The following CTNNA2 variants were observed in gnomAD, a reference collection of about 807,000 sequenced individuals.
CTNNA2 encodes the protein catenin alpha-2.
CTNNA2 carries 42 observed loss-of-function variants against 101.0 expected under a neutral mutation model. The observed-to-expected ratio is 0.42, with a 90% CI of 0.32 to 0.54. The LOEUF (loss-of-function observed/expected upper bound fraction) is 0.54. Ranked by LOEUF, CTNNA2 falls within the 20% of genes least tolerant of loss-of-function variation. The pLI is 0.14. For missense variants in CTNNA2, 871 were observed against 1,223.1 expected (o/e 0.71, Z 4.29); for synonymous variants, 450 against 456.4 (o/e 0.99, Z 0.18).
At chr2:79,707,760 A>C (rs1395718989) in intron 2 of CTNNA2, among the ~76,000 whole-genome samples, 3 of 152,174 alleles carry the variant, frequency 2.0e-5, no homozygotes, top group Middle Eastern at 3.2e-3. Flanking sequence ...ACCCATCCTG[A>C]TAACATCATC....
intron 3 of CTNNA2, among the ~76,000 whole-genome samples, chr2:79,777,892 G>T (rs57909569): frequency 0.029 from 4,113 of 139,744 alleles, 177 homozygotes; most frequent in African/African-American, 0.1. Flanking sequence ...TTTGCATGGG[G>T]TTTTTTTTTT....
At chr2:79,426,050 A>C (rs1678589541) in intron 4 of CTNNA2, among the ~76,000 whole-genome samples, 1 of 152,128 alleles carries the variant, frequency 6.6e-6, no homozygotes, top group South Asian at 2.1e-4. Context: ...CTACATAGTA[A>C]AACTAAAACT....
At chr2:80,345,239 A>G (rs1672629637) in intron 7 of CTNNA2, among the ~76,000 whole-genome samples, 2 of 151,930 alleles carry the variant, frequency 1.3e-5, no homozygotes, top group African/African-American at 4.8e-5. Flanking sequence ...GTTACCTTCC[A>G]CTGCTCTTCT....
At chr2:79,192,053 A>G (rs1041027160) in intron 1 of CTNNA2, among the ~76,000 whole-genome samples, 8 of 151,994 alleles carry the variant, frequency 5.3e-5, no homozygotes, top group African/African-American at 1.7e-4. Flanking sequence ...TATTGGTTGA[A>G]GTCGGTGGAA....
chr2:80,359,324 G>T (rs1308423290), intron 7 of CTNNA2, among the ~76,000 whole-genome samples: 1 of 152,158 alleles, frequency 6.6e-6, no homozygotes, highest in Admixed American at 6.6e-5. Flanking sequence ...TTAGGACTCT[G>T]GTTCTACTGA....
At chr2:79,333,884 T>C (rs1324432920) in intron 3 of CTNNA2, among the ~76,000 whole-genome samples, 1 of 152,156 alleles carries the variant, frequency 6.6e-6, no homozygotes, top group Non-Finnish European at 1.5e-5. Flanking sequence ...AGGCAATTTT[T>C]AAAGCATTTT....
At chr2:79,585,676 C>T (rs1352036264) in intron 1 of CTNNA2, among the ~76,000 whole-genome samples, 1 of 151,940 alleles carries the variant, frequency 6.6e-6, no homozygotes, top group Non-Finnish European at 1.5e-5. Flanking sequence ...AGTGTGTGCC[C>T]TTGTCTACCC....
chr2:80,246,961 A>G (rs1464918246), intron 7 of CTNNA2, among the ~76,000 whole-genome samples: 1 of 152,198 alleles, frequency 6.6e-6, no homozygotes, highest in Non-Finnish European at 1.5e-5. Flanking sequence ...CCAGGATCTT[A>G]CATTCCAAAT....
chr2:80,138,780 T>A (rs797009842), intron 7 of CTNNA2, among the ~76,000 whole-genome samples: 19 of 152,310 alleles, frequency 1.2e-4, no homozygotes, highest in African/African-American at 4.6e-4. Context: ...GCATTTCATT[T>A]AGCACAAAGC....
At chr2:79,767,200 A>G (rs1249792580) in intron 3 of CTNNA2, among the ~76,000 whole-genome samples, 1 of 151,872 alleles carries the variant, frequency 6.6e-6, no homozygotes, top group Non-Finnish European at 1.5e-5. Context: ...ATTCTTTTTA[A>G]TTATTTCAAT....
chr2:80,046,399 C>A (rs1383860754), intron 7 of CTNNA2, among the ~76,000 whole-genome samples: 2 of 152,032 alleles, frequency 1.3e-5, no homozygotes, highest in Non-Finnish European at 2.9e-5. Flanking sequence ...TTTATAGGCT[C>A]TCAGTAGATG....
chr2:80,636,966 A>G lies in CTNNA2; in HGVS notation c.2575-10619A>G, dbSNP rs898897022. On this transcript the variant is annotated intron_variant, in intron 18 of 18. Transcript: ENST00000402739. ...GATACATAAGTGTTGGTATTTTCCTATTCCCCTCATGAACTTCTCCATTCC... is the reference window on the plus strand; with the variant it reads ...GATACATAAGTGTTGGTATTTTCCTGTTCCCCTCATGAACTTCTCCATTCC... 5.9e-5 allele frequency among the ~76,000 whole-genome samples: 9 copies of G among 152,228 alleles called. 1 individual carries two copies. In the South Asian group the frequency reaches 8.3e-4, roughly 14 times the overall value.
chr2:80,143,969 A>G (rs1044348194), intron 7 of CTNNA2, among the ~76,000 whole-genome samples: 1 of 152,128 alleles, frequency 6.6e-6, no homozygotes, highest in Non-Finnish European at 1.5e-5. Context: ...GTCATTAACA[A>G]TTTCAAAGTT....
chr2:79,571,337 G>A (rs1169174766), intron 1 of CTNNA2, among the ~76,000 whole-genome samples: 2 of 152,046 alleles, frequency 1.3e-5, no homozygotes, highest in Non-Finnish European at 1.5e-5. Context: ...TTTCAGAACA[G>A]GAAAGGGACT....
intron 1 of CTNNA2, among the ~76,000 whole-genome samples, chr2:79,535,648 T>A (rs1471427941): frequency 2.6e-5 from 4 of 152,074 alleles, no homozygotes; most frequent in Admixed American, 6.5e-5. Flanking sequence ...TGTAATTACA[T>A]AATCATATAT....
At chr2:79,248,305 A>G (rs1433396864) in intron 2 of CTNNA2, among the ~76,000 whole-genome samples, 1 of 152,152 alleles carries the variant, frequency 6.6e-6, no homozygotes, top group African/African-American at 2.4e-5. Flanking sequence ...GTAGCCATCC[A>G]TGTTAAAAAC....
At chr2:80,404,596 A>T (rs2149384569) in intron 8 of CTNNA2, among the ~76,000 whole-genome samples, 1 of 152,284 alleles carries the variant, frequency 6.6e-6, no homozygotes, top group African/African-American at 2.4e-5. Context: ...AAACAGGAAA[A>T]ATAGTACTGT....
intron 7 of CTNNA2, among the ~76,000 whole-genome samples, chr2:80,057,630 A>C (rs760528449): frequency 6.6e-6 from 1 of 152,094 alleles, no homozygotes; most frequent in Non-Finnish European, 1.5e-5. Flanking sequence ...ACAAGAATTT[A>C]AGGGGGACAG....
At chr2:79,494,883 G>A (rs760454415) in intron 4 of CTNNA2, among the ~76,000 whole-genome samples, 2 of 152,012 alleles carry the variant, frequency 1.3e-5, no homozygotes, top group Non-Finnish European at 2.9e-5. Flanking sequence ...GGCCAAGGCG[G>A]GCGGATCACG....
Sources: gnomAD v4.1 joint callset for allele counts (sites outside exome capture counted in the v4.1 genomes callset) on GRCh38, gnomAD v4.1.1 for gene constraint, MANE v1.5 for transcripts, NCBI Gene and HGNC (gene_info 2026-07-23, HGNC 2026-07-21) for gene names.